Variants in JRK observed in about 807,000 individuals in gnomAD.
JRK encodes jerky protein homolog.
For missense variants in JRK, 720 were observed against 509.2 expected (o/e 1.41, Z -3.98); for synonymous variants, 303 against 218.1 (o/e 1.39, Z -3.43).
Position 142,659,418 on chromosome 8 carries a change from C to T in JRK, c.*4934G>A. 1 of 986,880 alleles carries T rather than the reference C, an allele frequency of 1.0e-6. No individual in the cohort carries two copies. The allele number at this position is 986,880 out of a possible 1,614,324, so 61.1% of individuals were successfully genotyped here. A position where few individuals can be genotyped will look rare whatever the true frequency, so the allele number is the denominator to read the frequency against. The stretch of plus-strand genomic sequence containing the variant: ...TGTGTGGGACGGGGCTACCTGCAGA[C>T]ATAGAGGGCCTTTGAGCACCTCGTA... On this transcript the variant is annotated 3_prime_UTR_variant, in exon 2 of 2. Transcript: ENST00000612905.
In JRK at chr8:142,659,940, G is replaced by A; in HGVS notation, c.*4412C>T. On this transcript the variant is annotated 3_prime_UTR_variant, in exon 2 of 2. Coordinates refer to ENST00000612905, the MANE Select transcript of JRK (RefSeq NM_003724.4). ...GCCCTGCAAGGGAAACAACAGATGT[G>A]CAAGGTCTGAGGGTCCATGTGTAGA... is the stretch of plus-strand genomic sequence containing the variant. 1 of 985,616 alleles carries A rather than the reference G, an allele frequency of 1.0e-6. No homozygotes were observed. Among genetic ancestry groups the A allele is most frequent in the Non-Finnish European group, 1.2e-6 (1 of 830,008 alleles). 61.1% of individuals were successfully genotyped at this position (985,616 alleles called of 1,614,324 possible).
Position 142,665,698 on chromosome 8 carries a change from C to T in JRK, c.361G>A (p.Glu121Lys), listed in dbSNP as rs371973056. 22 of 744,374 alleles carry T rather than the reference C, an allele frequency of 3.0e-5. No homozygotes were observed. The highest frequency in any genetic ancestry group is 4.5e-4 in the Middle Eastern group (2 of 4,418). 46.1% of individuals were successfully genotyped at this position (744,374 alleles called of 1,614,324 possible). A position where few individuals can be genotyped will look rare whatever the true frequency, so the allele number is the denominator to read the frequency against. Residue 121 changes from glutamate to lysine, a missense_variant, in exon 2 of 2, where the codon GAG becomes AAG. Glu to Lys is a moderately conservative substitution (Grantham distance 56). Transcript: ENST00000612905. ...MLIEKAKDFY[E>K]QMQLTEPCVF... ...CAGGGCTCAGTGAGCTGCATCTGCT[C>T]GTAGAAGTCCTTGGCCTTCTCGATG...
rs1846888753 is a variant in JRK at position 142,660,727 on chromosome 8, C to T, written c.*3625G>A. ...CCCCAATAAGCACATTTATGTGGGG[C>T]GTGAGGTGAGGTCCCTGAGGTGCAG... On this transcript the variant is annotated 3_prime_UTR_variant, in exon 2 of 2. Transcript: ENST00000612905. 6 of 985,332 alleles carry T rather than the reference C, an allele frequency of 6.1e-6. No individual in the cohort carries two copies. The highest frequency in any genetic ancestry group is 6.2e-5 in the Admixed American group (1 of 16,252). The allele number at this position is 985,332 out of a possible 1,614,324, so 61.0% of individuals were successfully genotyped here. A position where few individuals can be genotyped will look rare whatever the true frequency, so the allele number is the denominator to read the frequency against.
chr8:142,664,931 G>A lies in JRK; in HGVS notation c.1128C>T (p.His376=), dbSNP rs781876643. The A allele has an allele frequency of 7.0e-5, 62 of 891,292 alleles. No homozygotes were observed. The Admixed American group carries it at 9.1e-4, about 13-fold the overall frequency. The allele number at this position is 891,292 out of a possible 1,614,324, so 55.2% of individuals were successfully genotyped here. ...GCTTCCTCCAGGCCCGCCTGAAGAC[G>A]TGGCTAGGGACTGCGTTCCAGGCAC... The part of the protein sequence containing the change: ...VACAWNAVPS[H]VFRRAWRKLW... Residue 376 remains histidine, a synonymous_variant, in exon 2 of 2, where the codon CAC becomes CAT. Coordinates refer to ENST00000612905, the MANE Select transcript of JRK (RefSeq NM_003724.4).
rs782387641 is a variant in JRK, at chr8:142,663,168, C to A, written c.*1184G>T. On this transcript the variant is annotated 3_prime_UTR_variant, in exon 2 of 2. Transcript: ENST00000612905. ...ACCCTGCCTCAAGAAAAGAAAAGGA[C>A]AATGCACCTATTTTATGCTCGCTGA... 52 of 985,268 alleles carry A rather than the reference C, an allele frequency of 5.3e-5. No homozygotes were observed. In the East Asian group the frequency reaches 1.0e-3, roughly 19 times the overall value. The allele number at this position is 985,268 out of a possible 1,614,324, so 61.0% of individuals were successfully genotyped here.
chr8:142,668,061 G>A (rs745347792), intron 1 of JRK, among the ~76,000 whole-genome samples: 1 of 152,212 alleles, frequency 6.6e-6, no homozygotes, highest in East Asian at 1.9e-4. Flanking sequence ...TCAGTGTGGC[G>A]TGCGTGCTAT....
chr8:142,652,005 C>CA, the JRK span, among the ~76,000 whole-genome samples: 3 of 150,284 alleles, frequency 2.0e-5, no homozygotes, highest in Non-Finnish European at 4.4e-5. Context: ...AGTAAAACTC[C>CA]AAAAAAAGGG....
In JRK at chr8:142,661,405, C is replaced by A. The variant is rs1316019436; in HGVS notation, c.*2947G>T. ...AGGCTGCCTGTCCCGAGTGAGGACA[C>A]AGGAGCGCCCTCAGGCCTGAGCACT... On this transcript the variant is annotated 3_prime_UTR_variant, in exon 2 of 2. Transcript: ENST00000612905. 2 of 985,472 alleles carry A rather than the reference C, an allele frequency of 2.0e-6. No individual in the cohort carries two copies. Among genetic ancestry groups the A allele is most frequent in the Non-Finnish European group, 2.4e-6 (2 of 829,958 alleles). The allele number at this position is 985,472 out of a possible 1,614,324, so 61.0% of individuals were successfully genotyped here.
At position 142,658,817 on chromosome 8, in the gene JRK, C is replaced by A. The variant is rs782017915; in HGVS notation, c.*5535G>T. ...AGGGCACTGGTGGGGACAGAGGGGT[C>A]TTACCCAGCACTGCCATGTGGCAGA... On this transcript the variant is annotated 3_prime_UTR_variant, in exon 2 of 2. Coordinates refer to ENST00000612905, the MANE Select transcript of JRK (RefSeq NM_003724.4). 1.9e-6 allele frequency: 3 copies of A among 1,596,758 alleles called. No individual in the cohort carries two copies. In the African/African-American group the frequency reaches 4.0e-5, roughly 21 times the overall value.
chr8:142,664,702 G>A lies in JRK; in HGVS notation c.1357C>T (p.Pro453Ser). The change falls in exon 2 of 2, where the codon CCT becomes TCT. Residue 453 changes from proline (P) to serine (S), a missense_variant. Coordinates refer to ENST00000612905, the MANE Select transcript of JRK (RefSeq NM_003724.4). ...ACCTCTGCTGGCGACGTGGCAGCAG[G>A]GGGCCGTCCCCCTTCTGCCTCCCTT... is the stretch of plus-strand genomic sequence containing the variant. ...AGREAEGGRP[P>S]AATSPAEVVW... 6.2e-7 allele frequency: 1 copy of A among 1,608,036 alleles called. No homozygotes were observed. Among genetic ancestry groups the A allele is most frequent in the Non-Finnish European group, 8.5e-7 (1 of 1,177,838 alleles).
the JRK span, among the ~76,000 whole-genome samples, chr8:142,646,181 T>G: frequency 6.6e-6 from 1 of 152,228 alleles, no homozygotes; most frequent in Non-Finnish European, 1.5e-5. Flanking sequence ...TAGTCATCAT[T>G]TAAAGTTACA....
Position 142,665,886 on chromosome 8 carries a change from T to C in JRK, c.173A>G (p.His58Arg). 1 of 785,084 alleles carries C rather than the reference T, an allele frequency of 1.3e-6. No individual in the cohort carries two copies. Among genetic ancestry groups the C allele is most frequent in the Non-Finnish European group, 2.4e-6 (1 of 422,602 alleles). 48.6% of individuals were successfully genotyped at this position (785,084 alleles called of 1,614,324 possible). The change falls in exon 2 of 2, where the codon CAC (histidine) becomes CGC (arginine). Residue 58 changes from histidine (H) to arginine (R), a missense_variant. His to Arg is a conservative substitution (Grantham distance 29). Transcript: ENST00000612905. The part of the protein sequence containing the change: ...GMSTLYDIRA[H>R]KAQLLRFFAS... Reference sequence around the variant, plus strand: ...GAAGAACCGGAGCAGCTGCGCCTTGTGGGCCCTGATGTCGTAGAGGGTGGA... The same window carrying C: ...GAAGAACCGGAGCAGCTGCGCCTTGCGGGCCCTGATGTCGTAGAGGGTGGA...
chr8:142,663,873 C>G lies in JRK; in HGVS notation c.*479G>C. ...AACCGTGCTCGGGGTCCACCCAACA[C>G]GGGGATGGCCGCCAGCCCAGCAGAT... On this transcript the variant is annotated 3_prime_UTR_variant, in exon 2 of 2. Transcript: ENST00000612905. 1 of 989,436 alleles carries G rather than the reference C, an allele frequency of 1.0e-6. No homozygotes were observed. Among genetic ancestry groups the G allele is most frequent in the Non-Finnish European group, 1.2e-6 (1 of 832,876 alleles). 61.3% of individuals were successfully genotyped at this position (989,436 alleles called of 1,614,324 possible). A position where few individuals can be genotyped will look rare whatever the true frequency, so the allele number is the denominator to read the frequency against.
In JRK at chr8:142,661,256, A is replaced by G. The variant is rs966529710; in HGVS notation, c.*3096T>C. 2.0e-6 allele frequency: 2 copies of G among 985,370 alleles called. No individual in the cohort carries two copies. The highest frequency in any genetic ancestry group is 2.4e-6 in the Non-Finnish European group (2 of 830,002). 61.0% of individuals were successfully genotyped at this position (985,370 alleles called of 1,614,324 possible). A position where few individuals can be genotyped will look rare whatever the true frequency, so the allele number is the denominator to read the frequency against. ...GGCACAGGCAGGACAGGTGTTCTGTAAACCAACCCCAACGTAGAAGGGGCT... is the reference window on the plus strand; with the variant it reads ...GGCACAGGCAGGACAGGTGTTCTGTGAACCAACCCCAACGTAGAAGGGGCT... On this transcript the variant is annotated 3_prime_UTR_variant, in exon 2 of 2. Coordinates refer to ENST00000612905, the MANE Select transcript of JRK (RefSeq NM_003724.4).
At chr8:142,651,639 T>C in the JRK span, among the ~76,000 whole-genome samples, 2 of 151,692 alleles carry the variant, frequency 1.3e-5, no homozygotes, top group East Asian at 3.9e-4. Flanking sequence ...TCAGATAGAA[T>C]TGGTCAAACC....
Position 142,664,643 on chromosome 8 carries a change from G to A in JRK, c.1416C>T (p.Asp472=). 1 of 1,611,604 alleles carries A rather than the reference G, an allele frequency of 6.2e-7. No individual in the cohort carries two copies. The part of the protein sequence containing the change: ...VWSSEKTPKA[D]QDGRGDPGEG... Reference sequence around the variant, plus strand: ...CACCAGGATCTCCTCTGCCGTCCTGGTCAGCTTTCGGAGTCTTTTCTGAAC... The same window carrying A: ...CACCAGGATCTCCTCTGCCGTCCTGATCAGCTTTCGGAGTCTTTTCTGAAC... The change falls in exon 2 of 2, where the codon GAC becomes GAT. Residue 472 remains aspartate (D), a synonymous_variant. Transcript: ENST00000612905.
At chr8:142,651,690 A>C in the JRK span, among the ~76,000 whole-genome samples, 2 of 152,110 alleles carry the variant, frequency 1.3e-5, no homozygotes, top group Non-Finnish European at 2.9e-5. Context: ...AGAAACAAAC[A>C]ACAAAACAAC....
At chr8:142,668,556 G>A (rs964505955) in intron 1 of JRK, among the ~76,000 whole-genome samples, 1 of 151,754 alleles carries the variant, frequency 6.6e-6, no homozygotes, top group African/African-American at 2.4e-5. Flanking sequence ...AACTGGGGGA[G>A]ACACGGAATC....
Position 142,664,604 on chromosome 8 carries a change from C to T in JRK, c.1455G>A (p.Val485=), listed in dbSNP as rs781880735. The T allele has an allele frequency of 6.2e-7, 1 of 1,609,698 alleles. No homozygotes were observed. The highest frequency in any genetic ancestry group is 1.7e-5 in the Admixed American group (1 of 59,796). ...GRGDPGEGEE[V]AWEQAAVAFD... Reference sequence around the variant, plus strand: ...AGGCCACGGCCGCCTGCTCCCAGGCCACCTCCTCGCCCTCACCAGGATCTC... The same window carrying T: ...AGGCCACGGCCGCCTGCTCCCAGGCTACCTCCTCGCCCTCACCAGGATCTC... Residue 485 remains valine, a synonymous_variant, in exon 2 of 2, where the codon GTG becomes GTA. Transcript: ENST00000612905.
Sources: gnomAD v4.1 joint callset for allele counts (sites outside exome capture counted in the v4.1 genomes callset) on GRCh38, gnomAD v4.1.1 for gene constraint, MANE v1.5 for transcripts, NCBI Gene and HGNC (gene_info 2026-07-23, HGNC 2026-07-21) for gene names.